The following AP3B2 variants were observed in gnomAD, a reference collection of about 807,000 sequenced individuals.
AP3B2 encodes the protein adaptor related protein complex 3 subunit beta 2.
Under a neutral mutation model 126.9 loss-of-function variants are expected in AP3B2, and 50 were observed. The ratio of observed to expected loss-of-function variants is 0.39; its 90% CI spans 0.31 to 0.50. The LOEUF (loss-of-function observed/expected upper bound fraction) is 0.50, where lower values mean the gene tolerates loss of function less well. AP3B2 is among the 20% of genes least tolerant of loss of function. The pLI, the probability that AP3B2 is intolerant of heterozygous loss-of-function variation, is 0.79. For synonymous variants in AP3B2, 541 were observed against 565.0 expected (o/e 0.96, Z 0.60); for missense variants, 1,177 against 1,426.4 (o/e 0.83, Z 2.82).
At position 82,662,835 on chromosome 15, in the gene AP3B2, G is replaced by A. The variant is rs2151427717; in HGVS notation, c.2692C>T (p.Arg898Cys). 22 of 1,613,684 alleles carry A rather than the reference G, an allele frequency of 1.4e-5. No homozygotes were observed. The highest frequency in any genetic ancestry group is 1.9e-5 in the Non-Finnish European group (22 of 1,179,788). The stretch of plus-strand genomic sequence containing the variant: ...TGGGGATCCCCGGAGAAAGGTTGGC[G>A]GCTGAAGGTGTAGTCCACAGCCAGC... ...EGLAVDYTFS[R>C]QPFSGDPHMV... The change falls in exon 23 of 27, where the codon CGC (arginine) becomes TGC (cysteine). Residue 898 changes from arginine to cysteine, a missense_variant. By Grantham distance (180) the Arg-to-Cys change is radical. Coordinates refer to ENST00000535359, the MANE Select transcript of AP3B2 (RefSeq NM_001278512.2).
rs371253222 is a variant in AP3B2, at chr15:82,678,178, G to T, written c.1183-11C>A. On this transcript the variant is annotated splice_polypyrimidine_tract_variant and intron_variant, in intron 10 of 26. Coordinates refer to ENST00000535359, the MANE Select transcript of AP3B2 (RefSeq NM_001278512.2). Reference sequence around the variant, plus strand: ...GGTCAGCACTTCCAGCTGCAGGGAGGGTTGGAGAGGCAGAAAATGGGTGGG... The same window carrying T: ...GGTCAGCACTTCCAGCTGCAGGGAGTGTTGGAGAGGCAGAAAATGGGTGGG... 156 of 1,613,650 alleles carry T rather than the reference G, an allele frequency of 9.7e-5. 1 individual carries two copies. Among genetic ancestry groups the T allele is most frequent in the South Asian group, 8.9e-4 (81 of 91,010 alleles).
rs1296182638 is a variant in AP3B2 at position 82,681,019 on chromosome 15, G to A, written c.589C>T (p.Leu197=). The A allele has an allele frequency of 6.2e-7, 1 of 1,613,754 alleles. No individual in the cohort carries two copies. The change falls in exon 7 of 27, where the codon CTG becomes TTG. Residue 197 remains leucine (L), a splice_region_variant and synonymous_variant. Transcript: ENST00000535359. The surrounding 1 kb of genome is among the most constrained non-coding windows in gnomAD (Gnocchi z 4.0). ...IEKLLADKTT[L]VAGSVVMAFE... Reference sequence around the variant, plus strand: ...GCCATCACCACACTGCCCGCCACCAGCTGGGGAAAGAACAAAGACGAGAGG... The same window carrying A: ...GCCATCACCACACTGCCCGCCACCAACTGGGGAAAGAACAAAGACGAGAGG...
In AP3B2 at chr15:82,680,467, C is replaced by T. The variant is rs2048318371; in HGVS notation, c.1055+5G>A. The T allele has an allele frequency of 3.4e-6, 5 of 1,489,220 alleles. No homozygotes were observed. The highest frequency in any genetic ancestry group is 4.5e-6 in the Non-Finnish European group (5 of 1,122,258). The allele number at this position is 1,489,220 out of a possible 1,614,324, so 92.3% of individuals were successfully genotyped here. On this transcript the variant is annotated splice_donor_5th_base_variant and intron_variant, in intron 8 of 26. Transcript: ENST00000535359. The surrounding 1 kb of genome is among the most constrained non-coding windows in gnomAD (Gnocchi z 6.1). Reference sequence around the variant, plus strand: ...GGAGGGGGCGGGGCTGGGGGCGGAGCGCACCTGTGGCTGCGCAGCAGGCGC... The same window carrying T: ...GGAGGGGGCGGGGCTGGGGGCGGAGTGCACCTGTGGCTGCGCAGCAGGCGC...
At chr15:82,705,845 C>T (rs1012188300) in intron 1 of AP3B2, among the ~76,000 whole-genome samples, 1 of 152,180 alleles carries the variant, frequency 6.6e-6, no homozygotes, top group African/African-American at 2.4e-5. Context: ...CCTGACTAAA[C>T]CATTATATAA....
intron 14 of AP3B2, among the ~76,000 whole-genome samples, chr15:82,672,111 C>T (rs28877110): frequency 0.14 from 21,934 of 152,092 alleles, 1,709 homozygotes; most frequent in Non-Finnish European, 0.19. Context: ...TATGTATATA[C>T]CCAAAAGTAA....
intron 25 of AP3B2, among the ~76,000 whole-genome samples, chr15:82,660,467 C>T (rs893701018): frequency 2.0e-5 from 3 of 152,222 alleles, no homozygotes; most frequent in Admixed American, 2.0e-4. Flanking sequence ...TTCACAGGTA[C>T]ATTTTTAATT....
chr15:82,688,588 C>T, intron 4 of AP3B2, 148 bp downstream of exon 4: 3 of 769,204 alleles, frequency 3.9e-6, no homozygotes, highest in South Asian at 2.9e-5. Flanking sequence ...TCTGGCTGGC[C>T]TCTTCTGACT....
chr15:82,698,980 C>T (rs17841169), intron 1 of AP3B2, among the ~76,000 whole-genome samples: 21,476 of 152,168 alleles, frequency 0.14, 1,731 homozygotes, highest in East Asian at 0.23. Flanking sequence ...GAGGTGAGAC[C>T]GCCCTGGGCC....
In AP3B2 at chr15:82,681,108, G is replaced by T; in HGVS notation, c.588+4C>A. Reference sequence around the variant, plus strand: ...CCCCTCCCGGAGCGCCCCTATACACGCACCGTGGTCTTGTCAGCCAGAAGC... The same window carrying T: ...CCCCTCCCGGAGCGCCCCTATACACTCACCGTGGTCTTGTCAGCCAGAAGC... On this transcript the variant is annotated splice_donor_region_variant and intron_variant, in intron 6 of 26. Transcript: ENST00000535359. This position sits in a 1 kb window ranked among gnomAD's most constrained non-coding sequence, Gnocchi z 4.0. 6.2e-7 allele frequency: 1 copy of T among 1,613,436 alleles called. No individual in the cohort carries two copies. The highest frequency in any genetic ancestry group is 1.3e-5 in the African/African-American group (1 of 75,024).
chr15:82,660,029 G>C, intron 25 of AP3B2, 46 bp from the exon 26 acceptor site: 1 of 1,598,040 alleles, frequency 6.3e-7, no homozygotes, highest in Non-Finnish European at 8.6e-7. Flanking sequence ...GGTGGGTACA[G>C]AGGCCAGCAC....
intron 4 of AP3B2, among the ~76,000 whole-genome samples, chr15:82,684,398 G>A (rs993303169): frequency 1.3e-5 from 2 of 152,118 alleles, no homozygotes; most frequent in Admixed American, 6.6e-5. Context: ...ACTAGCTTCC[G>A]TCTTTTCTTC....
chr15:82,680,133 C>T lies in AP3B2; in HGVS notation c.1110+42G>A, dbSNP rs746146399. The T allele has an allele frequency of 2.2e-5, 36 of 1,611,016 alleles. No individual in the cohort carries two copies. The highest frequency in any genetic ancestry group is 3.0e-5 in the Non-Finnish European group (35 of 1,179,200). The stretch of plus-strand genomic sequence containing the variant: ...ACAACGCCTCCAGTGCCCGCAGAAG[C>T]GGCCCTCGGACAGCGAGGACAGCCC... On this transcript the variant is annotated intron_variant, in intron 9 of 26. Transcript: ENST00000535359. The surrounding 1 kb of genome is among the most constrained non-coding windows in gnomAD (Gnocchi z 6.1).
chr15:82,692,357 A>T, intron 1 of AP3B2: 2 of 526,168 alleles, frequency 3.8e-6, no homozygotes, highest in Non-Finnish European at 6.6e-6. Flanking sequence ...CCAGCCCAAC[A>T]TCGGCACCTC....
rs748396056 is a variant in AP3B2, at chr15:82,666,793, G to C, written c.1806C>G (p.Leu602=). 6.2e-7 allele frequency: 1 copy of C among 1,613,886 alleles called. No homozygotes were observed. The highest frequency in any genetic ancestry group is 1.7e-5 in the Admixed American group (1 of 60,002). The part of the protein sequence containing the change: ...GGALSRHAKK[L]FLAPKPAPVL... The stretch of plus-strand genomic sequence containing the variant: ...CTGGAGCTGGTTTGGGTGCCAGGAA[G>C]AGCTTCTTGGCATGGCGGCTGAGGG... Residue 602 remains leucine, a synonymous_variant, in exon 15 of 27, where the codon CTC becomes CTG. Transcript: ENST00000535359.
chr15:82,692,261 G>A, intron 1 of AP3B2: 1 of 862,708 alleles, frequency 1.2e-6, no homozygotes, highest in Non-Finnish European at 1.8e-6. Context: ...GCTTGATCTT[G>A]CGGATCCGGC....
chr15:82,694,130 A>T (rs1441032822), intron 1 of AP3B2, among the ~76,000 whole-genome samples: 1 of 151,880 alleles, frequency 6.6e-6, no homozygotes, highest in Non-Finnish European at 1.5e-5. Context: ...CAGCCTCCTA[A>T]ATAGCTGAGA....
At chr15:82,662,564 C>G in intron 23 of AP3B2, 130 bp downstream of exon 23, 1 of 863,020 alleles carries the variant, frequency 1.2e-6, no homozygotes, top group Non-Finnish European at 1.8e-6. Context: ...GAGTGTTGAT[C>G]ATGTTAGATG....
At chr15:82,669,252 T>G (rs115679441) in intron 14 of AP3B2, among the ~76,000 whole-genome samples, 1,823 of 151,604 alleles carry the variant, frequency 0.012, 43 homozygotes, top group African/African-American at 0.041. Context: ...GAGAAAGAAA[T>G]AAAGGGTATC....
intron 14 of AP3B2, among the ~76,000 whole-genome samples, chr15:82,674,214 A>C (rs2048206019): frequency 6.6e-6 from 1 of 152,152 alleles, no homozygotes; most frequent in Non-Finnish European, 1.5e-5. Context: ...ATTGCCACTC[A>C]TGGTCCCAGG....
Sources: gnomAD v4.1 joint callset for allele counts (sites outside exome capture counted in the v4.1 genomes callset) on GRCh38, gnomAD v4.1.1 for gene constraint, Gnocchi (gnomAD v3.1) non-coding constraint, MANE v1.5 for transcripts, NCBI Gene and HGNC (gene_info 2026-07-23, HGNC 2026-07-21) for gene names.